The following CLIC5 variants were observed in gnomAD, a reference collection of about 807,000 sequenced individuals.
CLIC5 encodes the protein chloride intracellular channel protein 5.
CLIC5 carries 20 observed loss-of-function variants against 24.7 expected under a neutral mutation model. That is an observed-to-expected ratio of 0.81 (90% CI 0.57 to 1.18). The LOEUF (loss-of-function observed/expected upper bound fraction) is 1.18. CLIC5 is among the 50% of genes most tolerant of loss of function. CLIC5 has a pLI of 0.00. For synonymous variants in CLIC5, 159 were observed against 135.6 expected, an observed-to-expected ratio of 1.17 and a Z score of -1.20; for missense variants, 341 against 326.1, an observed-to-expected ratio of 1.05 and a Z score of -0.35.
chr6:45,930,347 G>C (rs576791623), intron 4 of CLIC5, among the ~76,000 whole-genome samples: 1 of 152,268 alleles, frequency 6.6e-6, no homozygotes, highest in South Asian at 2.1e-4. Flanking sequence ...AAGGGAGAAA[G>C]AAGCATTTGG....
At chr6:45,985,394 G>A (rs1375685565) in intron 1 of CLIC5, among the ~76,000 whole-genome samples, 3 of 152,196 alleles carry the variant, frequency 2.0e-5, no homozygotes, top group African/African-American at 4.8e-5. Flanking sequence ...GGAAGTATGT[G>A]TATTTGACCT....
At chr6:46,089,119 G>A in the CLIC5 span, among the ~76,000 whole-genome samples, 1 of 152,174 alleles carries the variant, frequency 6.6e-6, no homozygotes, top group Non-Finnish European at 1.5e-5. Context: ...GGAGTGGGTA[G>A]AAGTAGGGGA....
intron 1 of CLIC5, among the ~76,000 whole-genome samples, chr6:46,056,653 C>A (rs1370147751): frequency 6.6e-6 from 1 of 152,112 alleles, no homozygotes; most frequent in Non-Finnish European, 1.5e-5. Flanking sequence ...TAGGAGTCCC[C>A]CTACACCACA....
intron 6 of CLIC5, among the ~76,000 whole-genome samples, chr6:45,892,400 GT>G (rs1695274504): frequency 6.6e-6 from 1 of 152,206 alleles, no homozygotes; most frequent in South Asian, 2.1e-4. Context: ...GAGAGGTGAA[GT>G]TTTTTGTGTC....
rs1012433206 is a variant in CLIC5, at chr6:45,997,383, T to C, written c.63+18097A>G. Among the ~76,000 whole-genome samples, 17 of 144,314 alleles carry C rather than the reference T, an allele frequency of 1.2e-4. No individual in the cohort carries two copies. In the East Asian group the frequency reaches 2.4e-3, roughly 20 times the overall value. The allele number at this position is 144,314 out of a possible 152,430, so 94.7% of individuals were successfully genotyped here. ...GTGGGGGGAGGGGGGAGGGATAGCATTGGGAGATATACCTAATGCTAGATG... is the reference window on the plus strand; with the variant it reads ...GTGGGGGGAGGGGGGAGGGATAGCACTGGGAGATATACCTAATGCTAGATG... On this transcript the variant is annotated intron_variant, in intron 1 of 5. Transcript: ENST00000339561.
chr6:46,124,945 G>A, the CLIC5 span, among the ~76,000 whole-genome samples: 1 of 152,204 alleles, frequency 6.6e-6, no homozygotes, highest in Non-Finnish European at 1.5e-5. Context: ...TGGAGAGGAT[G>A]TGGAGGAATA....
At chr6:46,037,982 C>G (rs1439044602) in intron 1 of CLIC5, among the ~76,000 whole-genome samples, 1 of 152,074 alleles carries the variant, frequency 6.6e-6, no homozygotes, top group Non-Finnish European at 1.5e-5. Context: ...GAGGATGAGA[C>G]CTAGGCCTTC....
intron 5 of CLIC5, among the ~76,000 whole-genome samples, chr6:45,903,615 C>T (rs944836938): frequency 6.6e-6 from 1 of 152,154 alleles, no homozygotes; most frequent in Non-Finnish European, 1.5e-5. Context: ...TGAATACATA[C>T]ATTATCTTAC....
At chr6:45,934,457 C>T in intron 4 of CLIC5, 1 of 152,262 alleles carries the variant, frequency 6.6e-6, no homozygotes. Flanking sequence ...TCAAAGGAAG[C>T]CTTGAAAGAC....
At chr6:45,985,452 A>C (rs1279220462) in intron 1 of CLIC5, among the ~76,000 whole-genome samples, 1 of 152,172 alleles carries the variant, frequency 6.6e-6, no homozygotes, top group African/African-American at 2.4e-5. Context: ...AAGCAGGCTC[A>C]TCCCCAAAAC....
Position 45,955,175 on chromosome 6 carries a change from T to C in CLIC5, c.133A>G (p.Lys45Glu). 1 of 1,614,036 alleles carries C rather than the reference T, an allele frequency of 6.2e-7. No homozygotes were observed. The highest frequency in any genetic ancestry group is 8.5e-7 in the Non-Finnish European group (1 of 1,179,906). Reference protein sequence around the residue: ...SQRLFMILWLKGVVFNVTTVD... With the variant: ...SQRLFMILWLEGVVFNVTTVD... ...GTGGTGACATTGAACACGACTCCTT[T>C]CAGCCAGAGGATCATGAAGAGGCGC... Residue 45 changes from lysine to glutamate, a missense_variant, in exon 2 of 6, where the codon AAA becomes GAA. Physicochemically the swap from Lys to Glu is moderately conservative, Grantham distance 56. Coordinates refer to ENST00000339561, the MANE Select transcript of CLIC5 (RefSeq NM_016929.5).
intron 4 of CLIC5, chr6:45,937,473 A>T (rs1462759701): frequency 2.0e-5 from 3 of 152,208 alleles, no homozygotes; most frequent in Non-Finnish European, 4.4e-5. Flanking sequence ...GCTCAGAAAG[A>T]ATAAGCCTCT....
chr6:46,084,931 C>T (rs1001182215), upstream of CLIC5, among the ~76,000 whole-genome samples: 21 of 152,204 alleles, frequency 1.4e-4, no homozygotes, highest in Non-Finnish European at 2.6e-4. Context: ...CAGATTTGGT[C>T]TTTTCACATA....
intron 1 of CLIC5, among the ~76,000 whole-genome samples, chr6:45,971,897 C>T (rs1011872228): frequency 1.3e-5 from 2 of 152,168 alleles, no homozygotes; most frequent in Non-Finnish European, 2.9e-5. Context: ...TCCCCTATGT[C>T]CTCCTAGTTA....
intron 2 of CLIC5, among the ~76,000 whole-genome samples, chr6:45,954,556 G>A (rs1764580594): frequency 6.6e-6 from 1 of 152,112 alleles, no homozygotes; most frequent in African/African-American, 2.4e-5. Flanking sequence ...TTAAACAACA[G>A]GTAGAAGACA....
intron 1 of CLIC5, among the ~76,000 whole-genome samples, chr6:46,057,752 G>A (rs1402831174): frequency 6.6e-6 from 1 of 152,152 alleles, no homozygotes; most frequent in African/African-American, 2.4e-5. Context: ...AACTAGCCAG[G>A]TGCCCTCATA....
chr6:46,092,986 T>C, the CLIC5 span, among the ~76,000 whole-genome samples: 14 of 152,302 alleles, frequency 9.2e-5, no homozygotes, highest in South Asian at 4.1e-4. Context: ...AAACTTATCT[T>C]TGTCTCTTAC....
At chr6:45,940,266 G>T (rs1331477452) in intron 4 of CLIC5, among the ~76,000 whole-genome samples, 1 of 152,190 alleles carries the variant, frequency 6.6e-6, no homozygotes, top group Non-Finnish European at 1.5e-5. Flanking sequence ...AAATTATTTT[G>T]TTCTTTTACC....
At chr6:45,913,075 G>A (rs961535395) in intron 5 of CLIC5, among the ~76,000 whole-genome samples, 2 of 152,196 alleles carry the variant, frequency 1.3e-5, no homozygotes, top group Non-Finnish European at 2.9e-5. Context: ...GATTGAATCT[G>A]AGTCTTCTCA....
Sources: allele counts gnomAD v4.1 joint callset (sites outside exome capture counted in the v4.1 genomes callset), GRCh38; gene constraint gnomAD v4.1.1; transcripts MANE v1.5; gene names NCBI Gene and HGNC (gene_info 2026-07-23, HGNC 2026-07-21).